Variants in ALK observed in about 807,000 individuals in gnomAD.
ALK encodes ALK tyrosine kinase receptor.
A neutral mutation model predicts 163.1 loss-of-function variants in ALK; 74 were observed. The ratio of observed to expected loss-of-function variants is 0.45; its 90% CI spans 0.38 to 0.55. The LOEUF is 0.55. Among genes scored for constraint, ALK ranks in the 20% least tolerant of loss-of-function variants. The pLI is 0.00. For synonymous variants in ALK, 960 were observed against 843.2 expected (o/e 1.14, Z -2.40); for missense variants, 2,063 against 2,105.3 (o/e 0.98, Z 0.39).
intron 1 of ALK, among the ~76,000 whole-genome samples, chr2:29,771,432 A>G (rs917064594): frequency 6.6e-6 from 1 of 152,210 alleles, no homozygotes; most frequent in African/African-American, 2.4e-5. Context: ...GATGAGTCTG[A>G]ATGGCTTTGA....
rs1664689620 is a variant in ALK, at chr2:29,246,948, C to G, written c.2204+4157G>C. The stretch of plus-strand genomic sequence containing the variant: ...CCCTGCTGCCTCCAGCCTCGGCTCC[C>G]CGAGGCCAGCCTTGCCCGACTTCTC... On this transcript the variant is annotated intron_variant, in intron 12 of 28. Coordinates refer to ENST00000389048, the MANE Select transcript of ALK (RefSeq NM_004304.5). This position sits in a 1 kb window ranked among gnomAD's most constrained non-coding sequence, Gnocchi z 4.3. 6.6e-6 allele frequency among the ~76,000 whole-genome samples: 1 copy of G among 152,222 alleles called. No individual in the cohort carries two copies. The highest frequency in any genetic ancestry group is 1.5e-5 in the Non-Finnish European group (1 of 68,038).
intron 8 of ALK, among the ~76,000 whole-genome samples, chr2:29,308,315 G>C (rs1171537206): frequency 6.6e-6 from 1 of 151,610 alleles, no homozygotes; most frequent in African/African-American, 2.4e-5. Context: ...ATATCTTTGG[G>C]GGGTAAGATT....
At position 29,222,408 on chromosome 2, in the gene ALK, T is replaced by G. The variant is rs1669828114; in HGVS notation, c.3451A>C (p.Thr1151Pro). 1 of 1,613,906 alleles carries G rather than the reference T, an allele frequency of 6.2e-7. No individual in the cohort carries two copies. Among genetic ancestry groups the G allele is most frequent in the Non-Finnish European group, 8.5e-7 (1 of 1,179,984 alleles). ...DPSPLQVAVK[T>P]LPEVCSEQDE... Reference sequence around the variant, plus strand: ...TGTTCAGAGCACACTTCAGGCAGCGTCTGGGCAGAGAAGGGGAGGGTGGGG... The same window carrying G: ...TGTTCAGAGCACACTTCAGGCAGCGGCTGGGCAGAGAAGGGGAGGGTGGGG... The change falls in exon 22 of 29, where the codon ACG becomes CCG. Residue 1151 changes from threonine (T) to proline (P), a missense_variant and splice_region_variant. Coordinates refer to ENST00000389048, the MANE Select transcript of ALK (RefSeq NM_004304.5).
intron 1 of ALK, among the ~76,000 whole-genome samples, chr2:29,820,692 C>T (rs11890191): frequency 0.042 from 6,338 of 152,298 alleles, 374 homozygotes; most frequent in African/African-American, 0.13. Context: ...GACATAGACT[C>T]TGGAGCCTGG....
At chr2:29,548,158 A>G (rs945844435) in intron 3 of ALK, among the ~76,000 whole-genome samples, 1 of 152,182 alleles carries the variant, frequency 6.6e-6, no homozygotes, top group Middle Eastern at 3.4e-3. Context: ...ACAACATGGG[A>G]TGTGGACTAG....
chr2:29,568,576 C>G (rs1310028598), intron 3 of ALK, among the ~76,000 whole-genome samples: 4 of 152,106 alleles, frequency 2.6e-5, no homozygotes, highest in African/African-American at 9.7e-5. Context: ...GAACTCCACA[C>G]CCACTCCAGA....
intron 3 of ALK, among the ~76,000 whole-genome samples, chr2:29,535,151 T>C (rs1013359571): frequency 6.6e-6 from 1 of 152,180 alleles, no homozygotes; most frequent in Non-Finnish European, 1.5e-5. Flanking sequence ...CAAAGTCTCC[T>C]GGGGTCCTTT....
intron 1 of ALK, among the ~76,000 whole-genome samples, chr2:29,732,203 C>A (rs1679764110): frequency 6.6e-6 from 1 of 152,168 alleles, no homozygotes; most frequent in African/African-American, 2.4e-5. Flanking sequence ...CTTATCTCAG[C>A]AAAATGACAA....
chr2:29,885,210 AC>A (rs1158337561), intron 1 of ALK, among the ~76,000 whole-genome samples: 1 of 152,078 alleles, frequency 6.6e-6, no homozygotes, highest in Non-Finnish European at 1.5e-5. Context: ...TTGCCCAGAA[AC>A]CTGTAAGTTC....
Position 29,226,985 on chromosome 2 carries a change from G to A in ALK, c.3004C>T (p.His1002Tyr), listed in dbSNP as rs764036965. 4.3e-6 allele frequency: 7 copies of A among 1,614,102 alleles called. No homozygotes were observed. Among genetic ancestry groups the A allele is most frequent in the Non-Finnish European group, 5.9e-6 (7 of 1,180,056 alleles). The change falls in exon 18 of 29, where the codon CAC becomes TAC. Residue 1002 changes from histidine (H) to tyrosine (Y), a missense_variant. Physicochemically the swap from His to Tyr is moderately conservative, Grantham distance 83. Transcript: ENST00000389048. ...TGGTCACAGAAGCAGATGACCTTGTGGCTTTCAGGGTCCATGTGACATTCG... is the reference window on the plus strand; with the variant it reads ...TGGTCACAGAAGCAGATGACCTTGTAGCTTTCAGGGTCCATGTGACATTCG... ...VDECHMDPES[H>Y]KVICFCDHGT...
intron 11 of ALK, among the ~76,000 whole-genome samples, chr2:29,253,359 G>A (rs1400966207): frequency 3.3e-5 from 5 of 152,156 alleles, no homozygotes; most frequent in Non-Finnish European, 7.3e-5. Flanking sequence ...GGGTTTGGGG[G>A]CAGCTTCATC....
At chr2:29,336,404 G>T (rs550339877) in intron 5 of ALK, among the ~76,000 whole-genome samples, 16 of 152,328 alleles carry the variant, frequency 1.1e-4, no homozygotes, top group African/African-American at 3.6e-4. Context: ...TTGCCTCTCA[G>T]TGGGATTTCC....
chr2:29,864,383 T>C (rs1457976700), intron 1 of ALK, among the ~76,000 whole-genome samples: 1 of 152,244 alleles, frequency 6.6e-6, no homozygotes, highest in East Asian at 1.9e-4. Flanking sequence ...GCAGTACTCC[T>C]GGCCTTCCTA....
intron 1 of ALK, among the ~76,000 whole-genome samples, chr2:29,750,628 A>T (rs1428947369): frequency 8.7e-6 from 1 of 115,008 alleles, no homozygotes; most frequent in Non-Finnish European, 1.8e-5. Flanking sequence ...ACGGAACAGA[A>T]TGGGAAGGAA....
chr2:29,763,541 T>G (rs1680772621), intron 1 of ALK, among the ~76,000 whole-genome samples: 3 of 152,198 alleles, frequency 2.0e-5, no homozygotes, highest in South Asian at 4.1e-4. Context: ...AATTAAGTGC[T>G]TCCCCATTAA....
chr2:29,455,861 G>A (rs754084099), intron 4 of ALK, among the ~76,000 whole-genome samples: 18 of 152,164 alleles, frequency 1.2e-4, no homozygotes, highest in Non-Finnish European at 2.5e-4. Flanking sequence ...GACACAACCA[G>A]GCTCTTCTCT....
At chr2:29,252,428 A>C (rs995214376) in intron 11 of ALK, among the ~76,000 whole-genome samples, 3 of 152,228 alleles carry the variant, frequency 2.0e-5, no homozygotes, top group African/African-American at 7.2e-5. Flanking sequence ...GGCATGCATA[A>C]TTTTGCTAAG....
chr2:29,282,500 C>A (rs1289730598), intron 9 of ALK, among the ~76,000 whole-genome samples: 1 of 152,118 alleles, frequency 6.6e-6, no homozygotes, highest in African/African-American at 2.4e-5. Flanking sequence ...AACTTCTGCA[C>A]AGTAAACTGG....
rs1354879193 is a variant in ALK at position 29,343,295 on chromosome 2, G to A, written c.1283-14814C>T. ...ACGATCATGGCTCACAGCAGCTTCA[G>A]CCTCCTGGGCTCAAGTGATCCTCCC... On this transcript the variant is annotated intron_variant, in intron 5 of 28. Coordinates refer to ENST00000389048, the MANE Select transcript of ALK (RefSeq NM_004304.5). Among the ~76,000 whole-genome samples the A allele has an allele frequency of 1.5e-4, 22 of 148,156 alleles. No homozygotes were observed. The Admixed American group carries it at 1.5e-3, about 10-fold the overall frequency.
Sources: allele counts gnomAD v4.1 joint callset (sites outside exome capture counted in the v4.1 genomes callset), GRCh38; gene constraint gnomAD v4.1.1; non-coding constraint Gnocchi (gnomAD v3.1); transcripts MANE v1.5; gene names NCBI Gene and HGNC (gene_info 2026-07-23, HGNC 2026-07-21).